RELN: variants seen among roughly 807,000 people sequenced by gnomAD.
RELN encodes reelin.
A neutral mutation model predicts 427.6 loss-of-function variants in RELN; 108 were observed. The ratio of observed to expected loss-of-function variants is 0.25; its 90% CI spans 0.22 to 0.30. The LOEUF (loss-of-function observed/expected upper bound fraction) is 0.30. RELN is among the 10% of genes least tolerant of loss of function. The pLI is 1.00. For missense variants in RELN, 3,715 were observed against 4,302.8 expected (o/e 0.86, Z 3.82); for synonymous variants, 1,524 against 1,513.4 (o/e 1.01, Z -0.16).
chr7:103,848,991 C>T (rs1563049677), intron 2 of RELN, among the ~76,000 whole-genome samples: 1 of 152,148 alleles, frequency 6.6e-6, no homozygotes, highest in Non-Finnish European at 1.5e-5. Context: ...CCATACCCTA[C>T]CTGGGACAGC....
At chr7:103,855,935 G>A (rs1042601104) in intron 2 of RELN, among the ~76,000 whole-genome samples, 8 of 152,098 alleles carry the variant, frequency 5.3e-5, no homozygotes, top group African/African-American at 1.9e-4. Context: ...TCACTATGAA[G>A]TACTAGGGGT....
At chr7:103,803,200 T>TA (rs1215573848) in intron 3 of RELN, among the ~76,000 whole-genome samples, 2 of 152,130 alleles carry the variant, frequency 1.3e-5, no homozygotes, top group African/African-American at 4.8e-5. Flanking sequence ...TACTCAAACT[T>TA]ACTTTATAAA....
At chr7:103,706,799 C>G (rs548140025) in intron 8 of RELN, among the ~76,000 whole-genome samples, 1 of 152,082 alleles carries the variant, frequency 6.6e-6, no homozygotes, top group Non-Finnish European at 1.5e-5. Flanking sequence ...CTTTAACCCC[C>G]CTGCTAGTCA....
chr7:103,825,414 A>T (rs1049987369), intron 3 of RELN, among the ~76,000 whole-genome samples: 3 of 152,152 alleles, frequency 2.0e-5, no homozygotes, highest in African/African-American at 4.8e-5. Flanking sequence ...TAAAATAAAA[A>T]ACCATAGAAA....
chr7:103,827,516 G>A (rs575104510), intron 3 of RELN, among the ~76,000 whole-genome samples: 11 of 152,008 alleles, frequency 7.2e-5, no homozygotes, highest in Admixed American at 2.6e-4. Flanking sequence ...AAATCCCTAG[G>A]AAGCATTCTG....
rs772965278 is a variant in RELN, at chr7:103,490,676, G to C, written c.9597C>G (p.Val3199=). The change falls in exon 59 of 65, where the codon GTC becomes GTG. Residue 3199 remains valine, a synonymous_variant. Transcript: ENST00000428762. ...KRITIQLPDH[V]SSSATQFRWI... ...CTTAATTTGCAACCTACCTAGAGGA[G>C]ACATGGTCAGGCAGCTGGATGGTGA... 2 of 1,614,186 alleles carry C rather than the reference G, an allele frequency of 1.2e-6. No individual in the cohort carries two copies. The highest frequency in any genetic ancestry group is 8.5e-7 in the Non-Finnish European group (1 of 1,180,044).
intron 1 of RELN, among the ~76,000 whole-genome samples, chr7:103,984,071 G>T (rs1797047293): frequency 6.6e-6 from 1 of 151,676 alleles, no homozygotes; most frequent in Non-Finnish European, 1.5e-5. Context: ...AAACAATTAT[G>T]GCTTAATATG....
chr7:103,674,763 T>C (rs1484468896), intron 11 of RELN, among the ~76,000 whole-genome samples: 1 of 152,182 alleles, frequency 6.6e-6, no homozygotes, highest in Admixed American at 6.5e-5. Flanking sequence ...ATCCGTCATA[T>C]AAACAGAACA....
intron 24 of RELN, among the ~76,000 whole-genome samples, chr7:103,601,575 T>C (rs1464331742): frequency 6.6e-6 from 1 of 152,218 alleles, no homozygotes; most frequent in East Asian, 1.9e-4. Flanking sequence ...TGCCTCAGAA[T>C]TGGTGGCTAT....
intron 20 of RELN, among the ~76,000 whole-genome samples, chr7:103,621,053 A>AT (rs1178808976): frequency 6.6e-6 from 1 of 152,244 alleles, no homozygotes; most frequent in African/African-American, 2.4e-5. Context: ...AAACAGAGCC[A>AT]TTTTAAGACT....
Position 103,566,277 on chromosome 7 carries a change from A to G in RELN, c.4883T>C (p.Val1628Ala), listed in dbSNP as rs1830748536. The change falls in exon 33 of 65, where the codon GTT becomes GCT. Residue 1628 changes from valine (V) to alanine (A), a missense_variant. By Grantham distance (64) the Val-to-Ala change is moderately conservative. Coordinates refer to ENST00000428762, the MANE Select transcript of RELN (RefSeq NM_005045.4). ...ATCCATAGAGAGACAGTCAATATCA[A>G]CTTGACCTCCTTGGATTCGATACCA... Reference protein sequence around the residue: ...ANWYRIQGGQVDIDCLSMDTA... With the variant: ...ANWYRIQGGQADIDCLSMDTA... The G allele has an allele frequency of 6.2e-7, 1 of 1,614,022 alleles. No individual in the cohort carries two copies. The highest frequency in any genetic ancestry group is 1.3e-5 in the African/African-American group (1 of 75,040).
intron 31 of RELN, 122 bp from the exon 32 acceptor site, chr7:103,566,881 G>T: frequency 1.1e-6 from 1 of 921,676 alleles, no homozygotes; most frequent in Admixed American, 1.8e-5. Context: ...GGGCACATTT[G>T]TGTAACTTCC....
chr7:103,640,522 G>A lies in RELN; in HGVS notation c.2069+21C>T. The A allele has an allele frequency of 1.9e-6, 3 of 1,610,948 alleles. No homozygotes were observed. The highest frequency in any genetic ancestry group is 1.3e-5 in the African/African-American group (1 of 74,986). On this transcript the variant is annotated intron_variant, in intron 17 of 64. Coordinates refer to ENST00000428762, the MANE Select transcript of RELN (RefSeq NM_005045.4). The surrounding 1 kb of genome is among the most constrained non-coding windows in gnomAD (Gnocchi z 4.1). ...TACACATCAAAAAGGAGAAGCATAAGTGTTATTTTAAGATGCTTACTTGCA... is the reference window on the plus strand; with the variant it reads ...TACACATCAAAAAGGAGAAGCATAAATGTTATTTTAAGATGCTTACTTGCA...
At position 103,603,439 on chromosome 7, in the gene RELN, C is replaced by T. The variant is rs767180170; in HGVS notation, c.3198G>A (p.Pro1066=). ...GTECHPEAAL[P]STIMSDFENQ... ...TCTCAAAATCTGACATAATTGTGGA[C>T]GGAAGGGCAGCTTCTGGGTGGCATT... The change falls in exon 24 of 65, where the codon CCG becomes CCA. Residue 1066 remains proline, a synonymous_variant. Coordinates refer to ENST00000428762, the MANE Select transcript of RELN (RefSeq NM_005045.4). The surrounding 1 kb of genome is among the most constrained non-coding windows in gnomAD (Gnocchi z 4.3). 171 of 1,613,762 alleles carry T rather than the reference C, an allele frequency of 1.1e-4. No homozygotes were observed. Among genetic ancestry groups the T allele is most frequent in the Admixed American group, 1.7e-4 (10 of 59,966 alleles).
At chr7:103,490,526 G>A (rs1279674331) in intron 59 of RELN, 142 bp downstream of exon 59, 1 of 877,692 alleles carries the variant, frequency 1.1e-6, no homozygotes, top group Non-Finnish European at 1.9e-6. Flanking sequence ...TGAGAGGAGG[G>A]AGAAAAGGAG....
At chr7:103,681,858 G>C (rs577140752) in intron 11 of RELN, among the ~76,000 whole-genome samples, 2 of 152,164 alleles carry the variant, frequency 1.3e-5, no homozygotes, top group South Asian at 4.1e-4. Flanking sequence ...AGTAAAAGCT[G>C]AATAAACTAA....
intron 20 of RELN, among the ~76,000 whole-genome samples, chr7:103,613,539 C>T (rs1832010691): frequency 2.0e-5 from 3 of 152,198 alleles, no homozygotes; most frequent in Admixed American, 2.0e-4. Flanking sequence ...ACACACTTGT[C>T]TATACTGCTC....
intron 20 of RELN, among the ~76,000 whole-genome samples, chr7:103,619,729 C>A (rs1386393201): frequency 6.6e-6 from 1 of 152,060 alleles, no homozygotes; most frequent in African/African-American, 2.4e-5. Flanking sequence ...GCTGTGGACC[C>A]CAGAGAAGAA....
At chr7:103,978,514 T>C (rs1796927107) in intron 1 of RELN, among the ~76,000 whole-genome samples, 1 of 152,218 alleles carries the variant, frequency 6.6e-6, no homozygotes, top group South Asian at 2.1e-4. Context: ...AGCTTCTATA[T>C]TGTTCATTGT....
Sources: allele counts gnomAD v4.1 joint callset (sites outside exome capture counted in the v4.1 genomes callset), GRCh38; gene constraint gnomAD v4.1.1; non-coding constraint Gnocchi (gnomAD v3.1); transcripts MANE v1.5; gene names NCBI Gene and HGNC (gene_info 2026-07-23, HGNC 2026-07-21).